The following SHISA9 variants were observed in gnomAD, a reference collection of about 807,000 sequenced individuals.
SHISA9 encodes shisa family member 9.
Under a neutral mutation model 38.0 loss-of-function variants are expected in SHISA9, and 13 were observed. The ratio of observed to expected loss-of-function variants is 0.34; its 90% CI spans 0.22 to 0.54. The LOEUF (loss-of-function observed/expected upper bound fraction) is 0.54, where lower values mean the gene tolerates loss of function less well. Among genes scored for constraint, SHISA9 ranks in the 20% least tolerant of loss-of-function variants. The pLI, the probability that SHISA9 is intolerant of heterozygous loss-of-function variation, is 0.91. For synonymous variants in SHISA9, 275 were observed against 242.0 expected, an observed-to-expected ratio of 1.14 and a Z score of -1.27; for missense variants, 538 against 575.8, an observed-to-expected ratio of 0.93 and a Z score of 0.67.
the SHISA9 span, among the ~76,000 whole-genome samples, chr16:13,282,260 G>T: frequency 2.0e-5 from 3 of 151,770 alleles, no homozygotes; most frequent in African/African-American, 7.2e-5. Flanking sequence ...GGCTATTTTT[G>T]CTGTATATAG....
rs1168743730 is a variant in SHISA9 at position 13,154,012 on chromosome 16, T to C, written c.692-49382T>C. 2.6e-5 allele frequency among the ~76,000 whole-genome samples: 4 copies of C among 152,102 alleles called. No homozygotes were observed. In the South Asian group the frequency reaches 6.2e-4, roughly 24 times the overall value. On this transcript the variant is annotated intron_variant, in intron 2 of 4. Coordinates refer to ENST00000558583, the MANE Select transcript of SHISA9 (RefSeq NM_001145204.3). ...CCTCTTTGTTCCCAGATAAGAGCCA[T>C]CTAGCTTGTGTCTCTGGTGTTTTTG...
At chr16:13,517,019 A>G in the SHISA9 span, among the ~76,000 whole-genome samples, 85 of 152,346 alleles carry the variant, frequency 5.6e-4, no homozygotes, top group African/African-American at 1.8e-3. Flanking sequence ...TCCCCCACAT[A>G]GTCATGTCTA....
chr16:13,559,460 C>T, the SHISA9 span, among the ~76,000 whole-genome samples: 1 of 151,894 alleles, frequency 6.6e-6, no homozygotes, highest in Non-Finnish European at 1.5e-5. Context: ...TCATTGCAGC[C>T]TCAAACTCCT....
chr16:13,414,056 A>C, the SHISA9 span, among the ~76,000 whole-genome samples: 2 of 152,288 alleles, frequency 1.3e-5, no homozygotes, highest in African/African-American at 4.8e-5. Flanking sequence ...TCATCTTGTT[A>C]AGTCCTTCTG....
chr16:13,539,356 T>A, the SHISA9 span, among the ~76,000 whole-genome samples: 3 of 74,044 alleles, frequency 4.1e-5, no homozygotes, highest in Admixed American at 3.1e-4. Flanking sequence ...GATATATATA[T>A]ATAAAGACAG....
Position 12,908,463 on chromosome 16 carries a change from T to A in SHISA9, c.563+5836T>A, listed in dbSNP as rs906578748. ...TAAATTCTCGTTTAATTTCATACCCTTCCCCCATGAGGTAGGCTCTATGAC... is the reference window on the plus strand; with the variant it reads ...TAAATTCTCGTTTAATTTCATACCCATCCCCCATGAGGTAGGCTCTATGAC... On this transcript the variant is annotated intron_variant, in intron 1 of 4. Transcript: ENST00000558583. The A allele has an allele frequency of 1.4e-5, 21 of 1,551,866 alleles. No individual in the cohort carries two copies. The African/African-American group carries it at 2.7e-4, about 20-fold the overall frequency.
chr16:13,373,315 T>C, the SHISA9 span, among the ~76,000 whole-genome samples: 1 of 152,208 alleles, frequency 6.6e-6, no homozygotes, highest in African/African-American at 2.4e-5. Context: ...GGAGGTAGTA[T>C]GCTCTATCTA....
chr16:13,342,370 C>T, the SHISA9 span, among the ~76,000 whole-genome samples: 14 of 152,266 alleles, frequency 9.2e-5, no homozygotes, highest in Admixed American at 6.5e-4. Context: ...TCACTGCAAC[C>T]TCCATCTCCT....
At position 13,236,113 on chromosome 16, in the gene SHISA9, A is replaced by C. The variant is rs2051381353; in HGVS notation, c.*704A>C. The C allele has an allele frequency of 6.6e-6, 1 of 152,182 alleles. No homozygotes were observed. The allele number at this position is 152,182 out of a possible 1,614,324, so 9.4% of individuals were successfully genotyped here. On this transcript the variant is annotated 3_prime_UTR_variant, in exon 5 of 5. Coordinates refer to ENST00000558583, the MANE Select transcript of SHISA9 (RefSeq NM_001145204.3). The stretch of plus-strand genomic sequence containing the variant: ...CAGAAAGTAAATAGACCCTGAACCC[A>C]CCGACAATGATGGGAAGGAAAAAAC...
the SHISA9 span, among the ~76,000 whole-genome samples, chr16:13,528,930 A>T: frequency 6.6e-6 from 1 of 152,198 alleles, no homozygotes. Context: ...TTCTGATTTG[A>T]TGACCCTGTG....
At chr16:13,087,564 C>T (rs1292748888) in intron 2 of SHISA9, among the ~76,000 whole-genome samples, 1 of 152,194 alleles carries the variant, frequency 6.6e-6, no homozygotes, top group African/African-American at 2.4e-5. Flanking sequence ...ATTTGCATTT[C>T]TCTGATGATC....
At chr16:13,290,289 T>C in the SHISA9 span, among the ~76,000 whole-genome samples, 1 of 152,140 alleles carries the variant, frequency 6.6e-6, no homozygotes, top group Admixed American at 6.5e-5. Context: ...CCTTAAGTAC[T>C]ATGTTGGTTT....
chr16:13,119,766 T>A (rs931518457), intron 2 of SHISA9, among the ~76,000 whole-genome samples: 1 of 152,194 alleles, frequency 6.6e-6, no homozygotes, highest in Non-Finnish European at 1.5e-5. Flanking sequence ...GATCTTACGT[T>A]TAGCTCAAGG....
chr16:12,974,120 C>T (rs997254299), intron 2 of SHISA9, among the ~76,000 whole-genome samples: 1 of 152,066 alleles, frequency 6.6e-6, no homozygotes, highest in Non-Finnish European at 1.5e-5. Context: ...AGAAAAGGGA[C>T]CAGGGAGTTC....
Position 13,006,096 on chromosome 16 carries a change from T to A in SHISA9, c.691+89281T>A, listed in dbSNP as rs12918632. ...CACACACGCGCACACTCTGAGAGAC[T>A]GACTTCAGATGAGCTTTTATTAGCT... On this transcript the variant is annotated intron_variant, in intron 2 of 4. Coordinates refer to ENST00000558583, the MANE Select transcript of SHISA9 (RefSeq NM_001145204.3). 2.1e-4 allele frequency among the ~76,000 whole-genome samples: 32 copies of A among 152,212 alleles called. No homozygotes were observed. In the South Asian group the frequency reaches 6.2e-3, roughly 30 times the overall value.
the SHISA9 span, among the ~76,000 whole-genome samples, chr16:13,420,510 G>T: frequency 1.4e-4 from 22 of 152,256 alleles, no homozygotes; most frequent in East Asian, 4.1e-3. Context: ...TCTGAGATTG[G>T]AAGAAGCTTG....
intron 1 of SHISA9, chr16:12,908,462 C>A (rs140278698): frequency 6.4e-7 from 1 of 1,551,716 alleles, no homozygotes; most frequent in African/African-American, 1.4e-5. Context: ...ATTTCATACC[C>A]TTCCCCCATG....
intron 2 of SHISA9, among the ~76,000 whole-genome samples, chr16:13,117,619 A>C (rs61302723): frequency 0.03 from 4,644 of 152,274 alleles, 104 homozygotes; most frequent in East Asian, 0.11. Context: ...AAATGTGACC[A>C]CACGGCAGAG....
chr16:13,391,944 C>G, the SHISA9 span, among the ~76,000 whole-genome samples: 1 of 152,176 alleles, frequency 6.6e-6, no homozygotes, highest in Non-Finnish European at 1.5e-5. Flanking sequence ...CTACCTCATT[C>G]TCAGACATTT....
Sources: allele counts gnomAD v4.1 joint callset (sites outside exome capture counted in the v4.1 genomes callset), GRCh38; gene constraint gnomAD v4.1.1; transcripts MANE v1.5; gene names NCBI Gene and HGNC (gene_info 2026-07-23, HGNC 2026-07-21).